Variants in PRKCE observed in about 807,000 individuals in gnomAD.
PRKCE encodes protein kinase C epsilon type.
PRKCE carries 16 observed loss-of-function variants against 85.4 expected under a neutral mutation model. The observed-to-expected ratio is 0.19, with a 90% CI of 0.13 to 0.28. The LOEUF (loss-of-function observed/expected upper bound fraction) is 0.28, where lower values mean the gene tolerates loss of function less well. Among genes scored for constraint, PRKCE ranks in the 10% least tolerant of loss-of-function variants. PRKCE has a pLI of 1.00. For synonymous variants in PRKCE, 388 were observed against 371.5 expected, an observed-to-expected ratio of 1.04 and a Z score of -0.51; for missense variants, 573 against 975.2, an observed-to-expected ratio of 0.59 and a Z score of 5.49.
At chr2:45,933,843 A>G (rs1456463534) in intron 2 of PRKCE, among the ~76,000 whole-genome samples, 2 of 152,154 alleles carry the variant, frequency 1.3e-5, no homozygotes, top group Non-Finnish European at 2.9e-5. Context: ...TAGCACAATC[A>G]TAAGATTTGG....
At chr2:45,864,133 T>A (rs980790211) in intron 2 of PRKCE, among the ~76,000 whole-genome samples, 1 of 152,114 alleles carries the variant, frequency 6.6e-6, no homozygotes, top group Non-Finnish European at 1.5e-5. Context: ...TGTGAATCCT[T>A]CTACCCCTCA....
At chr2:45,737,090 C>G (rs577244638) in intron 1 of PRKCE, among the ~76,000 whole-genome samples, 1 of 152,320 alleles carries the variant, frequency 6.6e-6, no homozygotes, top group South Asian at 2.1e-4. Flanking sequence ...CCACCGGCAT[C>G]TCCCCTGCAG....
At position 45,767,222 on chromosome 2, in the gene PRKCE, A is replaced by C. The variant is rs148877645; in HGVS notation, c.349-75778A>C. ...ATACCTCTGCTTCTGGAAGGAGGGTAGAGAGGAATTAGCCCAACCCTCTAA... is the reference window on the plus strand; with the variant it reads ...ATACCTCTGCTTCTGGAAGGAGGGTCGAGAGGAATTAGCCCAACCCTCTAA... On this transcript the variant is annotated intron_variant, in intron 1 of 14. Transcript: ENST00000306156. Among the ~76,000 whole-genome samples, 154 of 152,332 alleles carry C rather than the reference A, an allele frequency of 1.0e-3. 1 individual carries two copies. In the East Asian group the frequency reaches 0.028, roughly 27 times the overall value.
At chr2:45,733,411 A>C (rs1341343443) in intron 1 of PRKCE, among the ~76,000 whole-genome samples, 6 of 152,268 alleles carry the variant, frequency 3.9e-5, no homozygotes, top group Non-Finnish European at 8.8e-5. Context: ...CATGGAGCTC[A>C]CATTTTAGCA....
At chr2:45,891,019 C>T (rs187709402) in intron 2 of PRKCE, among the ~76,000 whole-genome samples, 8 of 152,210 alleles carry the variant, frequency 5.3e-5, no homozygotes, top group East Asian at 1.9e-4. Flanking sequence ...GAGGCTGTGT[C>T]GTCTGAGTAT....
At chr2:45,929,652 G>A (rs940092415) in intron 2 of PRKCE, among the ~76,000 whole-genome samples, 1 of 152,120 alleles carries the variant, frequency 6.6e-6, no homozygotes, top group African/African-American at 2.4e-5. Context: ...CCTGGAAATT[G>A]GTTACCATTG....
chr2:45,667,909 C>T (rs1215932779), intron 1 of PRKCE, among the ~76,000 whole-genome samples: 1 of 152,174 alleles, frequency 6.6e-6, no homozygotes, highest in East Asian at 1.9e-4. Context: ...ATCCTGGTCC[C>T]ACCACTGAAC....
chr2:46,082,694 T>A (rs1158108615), intron 10 of PRKCE, among the ~76,000 whole-genome samples: 1 of 151,966 alleles, frequency 6.6e-6, no homozygotes, highest in Non-Finnish European at 1.5e-5. Context: ...GCGAAGCCCA[T>A]GAGAGAGGCA....
At chr2:46,040,013 A>G (rs924284146) in intron 10 of PRKCE, among the ~76,000 whole-genome samples, 1 of 152,182 alleles carries the variant, frequency 6.6e-6, no homozygotes, top group African/African-American at 2.4e-5. Flanking sequence ...TACTGAGGGG[A>G]GGACATTTAA....
intron 1 of PRKCE, among the ~76,000 whole-genome samples, chr2:45,710,674 G>A (rs1679547115): frequency 6.6e-6 from 1 of 152,214 alleles, no homozygotes; most frequent in Admixed American, 6.5e-5. Context: ...GTATGCCCAG[G>A]GCTTGGGGAC....
chr2:46,175,520 G>A (rs1679336010), intron 14 of PRKCE, among the ~76,000 whole-genome samples: 1 of 152,208 alleles, frequency 6.6e-6, no homozygotes, highest in African/African-American at 2.4e-5. Flanking sequence ...ATATGGGAAG[G>A]CCTACTAATG....
chr2:45,702,205 C>CA (rs1270655808), intron 1 of PRKCE, among the ~76,000 whole-genome samples: 18 of 152,168 alleles, frequency 1.2e-4, no homozygotes, highest in African/African-American at 3.9e-4. Flanking sequence ...ACGACAACAA[C>CA]AAAAAACAAT....
intron 1 of PRKCE, among the ~76,000 whole-genome samples, chr2:45,747,701 G>C (rs1573185356): frequency 6.6e-6 from 1 of 152,174 alleles, no homozygotes; most frequent in African/African-American, 2.4e-5. Flanking sequence ...CCCTGCTTCA[G>C]TTCTTTTGGG....
chr2:45,934,133 A>G (rs539759928), intron 2 of PRKCE, among the ~76,000 whole-genome samples: 6 of 152,274 alleles, frequency 3.9e-5, no homozygotes, highest in African/African-American at 1.2e-4. Flanking sequence ...CTCAGGGCAC[A>G]CTTGAAAGCT....
At chr2:45,995,131 C>A (rs1666320276) in intron 6 of PRKCE, among the ~76,000 whole-genome samples, 1 of 152,036 alleles carries the variant, frequency 6.6e-6, no homozygotes, top group African/African-American at 2.4e-5. Flanking sequence ...TTGGGTTATT[C>A]ATTTTGTTAT....
intron 10 of PRKCE, among the ~76,000 whole-genome samples, chr2:46,065,204 G>A (rs1667520343): frequency 6.6e-6 from 1 of 151,856 alleles, no homozygotes; most frequent in Non-Finnish European, 1.5e-5. Flanking sequence ...GCTATTAAGA[G>A]AAAAGGGGAA....
At position 45,730,455 on chromosome 2, in the gene PRKCE, ATTTTTTTTT is replaced by A. The variant is rs56947431; in HGVS notation, c.348+78018_348+78026del. 2.3e-5 allele frequency among the ~76,000 whole-genome samples: 3 copies of A among 128,546 alleles called. No individual in the cohort carries two copies. The East Asian group carries it at 6.6e-4, about 28-fold the overall frequency. The allele number at this position is 128,546 out of a possible 152,430, so 84.3% of individuals were successfully genotyped here. On this transcript the variant is annotated intron_variant, in intron 1 of 14. Transcript: ENST00000306156. ...TTACAACTGTGAGCCACCAGTTGTA[ATTTTTTTTT>A]TTTTTTTTTTCCCGAGACAGAGTCT...
intron 1 of PRKCE, among the ~76,000 whole-genome samples, chr2:45,765,278 G>A (rs956019260): frequency 1.3e-5 from 2 of 152,164 alleles, no homozygotes; most frequent in South Asian, 2.1e-4. Flanking sequence ...TGGAGAATAA[G>A]CTTTCTGAAG....
intron 2 of PRKCE, among the ~76,000 whole-genome samples, chr2:45,950,911 C>G (rs1202149595): frequency 6.6e-6 from 1 of 152,130 alleles, no homozygotes; most frequent in Non-Finnish European, 1.5e-5. Context: ...GAACTATCAG[C>G]CTCATTTCTT....
Sources: gnomAD v4.1 joint callset for allele counts (sites outside exome capture counted in the v4.1 genomes callset) on GRCh38, gnomAD v4.1.1 for gene constraint, MANE v1.5 for transcripts, NCBI Gene and HGNC (gene_info 2026-07-23, HGNC 2026-07-21) for gene names.